The following SEL1L3 variants were observed in gnomAD, a reference collection of about 807,000 sequenced individuals.
SEL1L3 encodes protein sel-1 homolog 3.
In SEL1L3, 76 loss-of-function variants were observed where a neutral mutation model predicts 142.8. That is an observed-to-expected ratio of 0.53 (90% CI 0.44 to 0.64). The LOEUF (loss-of-function observed/expected upper bound fraction) is 0.64, where lower values mean the gene tolerates loss of function less well. Ranked by LOEUF, SEL1L3 falls within the 30% of genes least tolerant of loss-of-function variation. SEL1L3 has a pLI of 0.00. For missense variants in SEL1L3, 1,262 were observed against 1,381.7 expected, an observed-to-expected ratio of 0.91 and a Z score of 1.37; for synonymous variants, 504 against 519.6, an observed-to-expected ratio of 0.97 and a Z score of 0.41.
intron 9 of SEL1L3, among the ~76,000 whole-genome samples, chr4:25,805,690 A>G (rs1713509842): frequency 6.6e-6 from 1 of 152,212 alleles, no homozygotes. Flanking sequence ...GAGTCTTCTA[A>G]AGTCTATCTT....
At chr4:25,735,581 AT>A in the SEL1L3 span, among the ~76,000 whole-genome samples, 1 of 151,046 alleles carries the variant, frequency 6.6e-6, no homozygotes, top group Non-Finnish European at 1.5e-5. Context: ...GTTTAGCTTA[AT>A]CTTCTTTTTT....
chr4:25,726,228 TAA>T, the SEL1L3 span, among the ~76,000 whole-genome samples: 493 of 146,044 alleles, frequency 3.4e-3, 1 homozygote, highest in Middle Eastern at 7.0e-3. Context: ...CATCTTGGGT[TAA>T]AAAAAAAAAA....
intron 10 of SEL1L3, among the ~76,000 whole-genome samples, chr4:25,803,599 G>A (rs1187778518): frequency 6.6e-6 from 1 of 152,192 alleles, no homozygotes; most frequent in African/African-American, 2.4e-5. Context: ...GTTTCCAGAT[G>A]AGATGAATAT....
intron 13 of SEL1L3, among the ~76,000 whole-genome samples, chr4:25,787,655 T>C (rs1209992512): frequency 6.6e-6 from 1 of 152,140 alleles, no homozygotes; most frequent in Non-Finnish European, 1.5e-5. Flanking sequence ...CATTTTATGG[T>C]CCCCAAAGTT....
chr4:25,750,557 T>A (rs760640311), intron 23 of SEL1L3, among the ~76,000 whole-genome samples: 2 of 152,232 alleles, frequency 1.3e-5, no homozygotes, highest in Non-Finnish European at 2.9e-5. Context: ...CATGCCTACT[T>A]CATCTGGGCC....
At chr4:25,753,480 T>G (rs1026121620) in intron 23 of SEL1L3, among the ~76,000 whole-genome samples, 1 of 152,254 alleles carries the variant, frequency 6.6e-6, no homozygotes, top group African/African-American at 2.4e-5. Flanking sequence ...CCATGGCTGC[T>G]ACATGCACCC....
At chr4:25,803,781 G>GTT (rs60211194) in intron 10 of SEL1L3, among the ~76,000 whole-genome samples, 4 of 146,292 alleles carry the variant, frequency 2.7e-5, no homozygotes, top group Admixed American at 6.8e-5. Context: ...TTTTTTATAT[G>GTT]TTTTTTTTTT....
chr4:25,861,764 G>A (rs1717723065), intron 1 of SEL1L3: 2 of 151,598 alleles, frequency 1.3e-5, no homozygotes, highest in Admixed American at 1.3e-4. Flanking sequence ...TGGAACATAA[G>A]TTACTCTGGG....
At chr4:25,801,354 G>C (rs1713170989) in intron 11 of SEL1L3, among the ~76,000 whole-genome samples, 1 of 152,246 alleles carries the variant, frequency 6.6e-6, no homozygotes. Context: ...AGTGAGCCAA[G>C]ATTGCGCCAC....
chr4:25,789,926 C>T (rs551238078), intron 12 of SEL1L3, among the ~76,000 whole-genome samples: 6 of 152,330 alleles, frequency 3.9e-5, no homozygotes, highest in Admixed American at 2.6e-4. Flanking sequence ...GTTCAAGAGA[C>T]AAGGTTGATC....
intron 16 of SEL1L3, among the ~76,000 whole-genome samples, chr4:25,778,096 G>A (rs1719757516): frequency 6.6e-6 from 1 of 152,090 alleles, no homozygotes; most frequent in Non-Finnish European, 1.5e-5. Flanking sequence ...AGATCTGCAA[G>A]ACCTCAAAAA....
chr4:25,841,768 T>C (rs1287613408), intron 2 of SEL1L3, among the ~76,000 whole-genome samples: 1 of 152,134 alleles, frequency 6.6e-6, no homozygotes, highest in East Asian at 1.9e-4. Context: ...GAGACCAGCC[T>C]GGCCAACATA....
intron 1 of SEL1L3, among the ~76,000 whole-genome samples, chr4:25,854,434 C>T (rs1255984224): frequency 6.6e-6 from 1 of 152,142 alleles, no homozygotes; most frequent in East Asian, 1.9e-4. Context: ...CGTGCCACCA[C>T]ACCCGGGTAA....
chr4:25,759,043 AT>A lies in SEL1L3; in HGVS notation c.2980del (p.Ile994SerfsTer6), dbSNP rs1171696935. Reference protein sequence around the residue: ...SQGFFNLALLIEEGTIIPHHI... With the variant: ...SQGFFNLALLXEEGTIIPHHI... ...GTGTGGGATTATCGTACCTTCCTCG[AT>A]TAGCAGGGCCAGGTTAAAAAATCCC... On this transcript the variant is annotated frameshift_variant, in exon 21 of 24. Coordinates refer to ENST00000399878, the MANE Select transcript of SEL1L3 (RefSeq NM_015187.5). LOFTEE classifies it high-confidence loss of function. 14 of 1,613,546 alleles carry A rather than the reference AT, an allele frequency of 8.7e-6. No individual in the cohort carries two copies. Among genetic ancestry groups the A allele is most frequent in the African/African-American group, 1.3e-5 (1 of 74,888 alleles).
intron 23 of SEL1L3, among the ~76,000 whole-genome samples, chr4:25,751,721 A>C (rs1425324816): frequency 6.6e-6 from 1 of 150,806 alleles, no homozygotes; most frequent in Non-Finnish European, 1.5e-5. Flanking sequence ...ATATATGATG[A>C]AGATCAAGAC....
At chr4:25,737,890 C>CT in the SEL1L3 span, among the ~76,000 whole-genome samples, 70,380 of 150,924 alleles carry the variant, frequency 0.47, 16,792 homozygotes, top group East Asian at 0.67. Flanking sequence ...ATACAGTTGC[C>CT]TTTTTTTTTG....
chr4:25,815,110 T>C (rs531811494), intron 9 of SEL1L3, among the ~76,000 whole-genome samples: 32 of 152,318 alleles, frequency 2.1e-4, no homozygotes, highest in African/African-American at 6.0e-4. Context: ...CAGCTGGCCA[T>C]GTGCCTCTGG....
the SEL1L3 span, among the ~76,000 whole-genome samples, chr4:25,714,555 C>CTTT: frequency 3.0e-5 from 2 of 65,810 alleles, no homozygotes. Context: ...TTTCTTTCTT[C>CTTT]TTTCTTTCTT....
At chr4:25,822,678 C>A (rs990122547) in intron 6 of SEL1L3, among the ~76,000 whole-genome samples, 1 of 152,136 alleles carries the variant, frequency 6.6e-6, no homozygotes. Flanking sequence ...AGGCCACAGC[C>A]AGGTCAGAGG....
Sources: gnomAD v4.1 joint callset for allele counts (sites outside exome capture counted in the v4.1 genomes callset) on GRCh38, gnomAD v4.1.1 for gene constraint, MANE v1.5 for transcripts, NCBI Gene and HGNC (gene_info 2026-07-23, HGNC 2026-07-21) for gene names.